CMYA5: variants seen among roughly 807,000 people sequenced by gnomAD.
CMYA5 encodes the protein cardiomyopathy-associated protein 5.
In CMYA5, 246 loss-of-function variants were observed where a neutral mutation model predicts 318.9. The observed-to-expected ratio is 0.77, with a 90% CI of 0.70 to 0.86. The LOEUF (loss-of-function observed/expected upper bound fraction) is 0.86. CMYA5 is among the 40% of genes least tolerant of loss of function. The pLI, the probability that CMYA5 is intolerant of heterozygous loss-of-function variation, is 0.00. For missense variants in CMYA5, 4,589 were observed against 4,678.2 expected (o/e 0.98, Z 0.56); for synonymous variants, 1,641 against 1,729.5 (o/e 0.95, Z 1.27).
At chr5:79,775,336 A>G (rs1479471336) in intron 9 of CMYA5, among the ~76,000 whole-genome samples, 2 of 152,212 alleles carry the variant, frequency 1.3e-5, no homozygotes, top group Non-Finnish European at 2.9e-5. Flanking sequence ...CTTCACTTCT[A>G]ACTTAGGCCT....
At chr5:79,751,578 C>A (rs1828430637) in intron 5 of CMYA5, among the ~76,000 whole-genome samples, 3 of 152,082 alleles carry the variant, frequency 2.0e-5, no homozygotes, top group Admixed American at 6.6e-5. Flanking sequence ...TCATACTGAC[C>A]ATAAATCCAC....
chr5:79,761,593 A>C (rs995469381), intron 7 of CMYA5, among the ~76,000 whole-genome samples: 2 of 152,232 alleles, frequency 1.3e-5, no homozygotes, highest in Non-Finnish European at 2.9e-5. Context: ...TTTTCTGAGA[A>C]GTGTTAACAA....
At chr5:79,771,068 G>GAAA (rs200789494) in intron 9 of CMYA5, among the ~76,000 whole-genome samples, 3 of 99,428 alleles carry the variant, frequency 3.0e-5, no homozygotes, top group Middle Eastern at 6.6e-3. Flanking sequence ...AGGGAGAGAG[G>GAAA]AAAAAAAAAA....
At chr5:79,743,537 G>C (rs1828260141) in intron 2 of CMYA5, among the ~76,000 whole-genome samples, 1 of 152,056 alleles carries the variant, frequency 6.6e-6, no homozygotes, top group Admixed American at 6.5e-5. Context: ...ATTAAAACAG[G>C]TATGTTTTGA....
chr5:79,718,819 A>G (rs941893225), intron 1 of CMYA5, among the ~76,000 whole-genome samples: 13 of 152,196 alleles, frequency 8.5e-5, no homozygotes, highest in Admixed American at 1.3e-4. Flanking sequence ...GTTTAGCTGT[A>G]CAAATACTCA....
intron 1 of CMYA5, 56 bp downstream of exon 1, chr5:79,690,112 T>A: frequency 7.2e-7 from 1 of 1,380,014 alleles, no homozygotes; most frequent in Non-Finnish European, 9.4e-7. Context: ...GCAGCACCCT[T>A]GCTTGTTTGC....
At chr5:79,704,311 C>A (rs1040456333) in intron 1 of CMYA5, among the ~76,000 whole-genome samples, 5 of 151,890 alleles carry the variant, frequency 3.3e-5, no homozygotes, top group Non-Finnish European at 7.4e-5. Context: ...AAGGGTATGA[C>A]CCCCACTGTG....
Position 79,729,271 on chromosome 5 carries a change from C to T in CMYA5, c.506C>T (p.Pro169Leu). ...QDVPTNKKGS[P>L]LTSASQVLTT... ...GTTCCAACAAACAAAAAAGGCAGTC[C>T]TTTAACTTCAGCAAGCCAGGTACTA... The change falls in exon 2 of 13, where the codon CCT becomes CTT. Residue 169 changes from proline to leucine, a missense_variant. By Grantham distance (98) the Pro-to-Leu change is moderately conservative. Coordinates refer to ENST00000446378, the MANE Select transcript of CMYA5 (RefSeq NM_153610.5). 2 of 1,611,076 alleles carry T rather than the reference C, an allele frequency of 1.2e-6. No homozygotes were observed. The highest frequency in any genetic ancestry group is 1.7e-6 in the Non-Finnish European group (2 of 1,179,150).
intron 12 of CMYA5, among the ~76,000 whole-genome samples, chr5:79,795,026 C>T (rs537088706): frequency 4.7e-4 from 72 of 152,288 alleles, no homozygotes; most frequent in Admixed American, 4.1e-3. Context: ...AATGTCTGTA[C>T]ACCCTCAAAT....
At position 79,731,068 on chromosome 5, in the gene CMYA5, C is replaced by A. The variant is rs1240388950; in HGVS notation, c.2303C>A (p.Pro768Gln). The change falls in exon 2 of 13, where the codon CCA (proline) becomes CAA (glutamine). Residue 768 changes from proline to glutamine, a missense_variant. By Grantham distance (76) the Pro-to-Gln change is moderately conservative. Around this residue, in one of 3 missense-constraint regions of CMYA5, gnomAD observed 2,132 missense variants for 2,131.3 expected, o/e 1.00. Transcript: ENST00000446378. ...TTEKTSECQS[P>Q]LPSTATSEHV... Reference sequence around the variant, plus strand: ...GAAAAGACTTCTGAATGCCAGTCACCACTGCCTTCTACTGCCACATCAGAA... The same window carrying A: ...GAAAAGACTTCTGAATGCCAGTCACAACTGCCTTCTACTGCCACATCAGAA... 1 of 1,614,032 alleles carries A rather than the reference C, an allele frequency of 6.2e-7. No homozygotes were observed. Among genetic ancestry groups the A allele is most frequent in the Admixed American group, 1.7e-5 (1 of 60,024 alleles).
rs150586495 is a variant in CMYA5 at position 79,799,630 on chromosome 5, G to A, written c.*14G>A. ...AGGCACAAGTGATCCTTGGCTTTCA[G>A]AATTTGCAAGAACAGCGATTTGAAT... On this transcript the variant is annotated 3_prime_UTR_variant, in exon 13 of 13. Coordinates refer to ENST00000446378, the MANE Select transcript of CMYA5 (RefSeq NM_153610.5). The A allele has an allele frequency of 6.9e-4, 1,102 of 1,597,548 alleles. 4 individuals carry two copies. The African/African-American group carries it at 0.013, about 19-fold the overall frequency.
rs1037606423 is a variant in CMYA5, at chr5:79,752,713, A to G, written c.11029A>G (p.Lys3677Glu). Residue 3677 changes from lysine (K) to glutamate (E), a missense_variant, in exon 6 of 13, where the codon AAA (lysine) becomes GAA (glutamate). This residue lies in a region of CMYA5 where 2,431 missense variants were observed against 2,495.1 expected (regional missense o/e 0.97). Transcript: ENST00000446378. Reference protein sequence around the residue: ...SAMESTASLEKMPAAFSLFEH... With the variant: ...SAMESTASLEEMPAAFSLFEH... Reference sequence around the variant, plus strand: ...AATGGAGAGCACTGCTTCTTTAGAGAAAATGCCTGCTGCGTTTTCCCTTTT... The same window carrying G: ...AATGGAGAGCACTGCTTCTTTAGAGGAAATGCCTGCTGCGTTTTCCCTTTT... 1.2e-6 allele frequency: 2 copies of G among 1,613,524 alleles called. No homozygotes were observed. Among genetic ancestry groups the G allele is most frequent in the Non-Finnish European group, 1.7e-6 (2 of 1,179,612 alleles).
In CMYA5 at chr5:79,729,185, T is replaced by TG. The variant is rs753783340; in HGVS notation, c.422dup (p.Ser142PhefsTer16). 1 of 1,613,060 alleles carries TG rather than the reference T, an allele frequency of 6.2e-7. No individual in the cohort carries two copies. Among genetic ancestry groups the TG allele is most frequent in the East Asian group, 2.2e-5 (1 of 44,870 alleles). On this transcript the variant is annotated frameshift_variant, in exon 2 of 13. Transcript: ENST00000446378. LOFTEE classifies it high-confidence loss of function. ...GGAAAAGGACTCATAAGTCAAAGCA[T>TG]GGTTCACCATCATTACGCCGGAAAG... is the stretch of plus-strand genomic sequence containing the variant.
At position 79,758,825 on chromosome 5, in the gene CMYA5, G is replaced by A; in HGVS notation, c.11183G>A (p.Ser3728Asn). 1 of 1,603,598 alleles carries A rather than the reference G, an allele frequency of 6.2e-7. No homozygotes were observed. The highest frequency in any genetic ancestry group is 1.3e-5 in the African/African-American group (1 of 74,608). Residue 3728 changes from serine (S) to asparagine (N), a missense_variant, in exon 7 of 13, where the codon AGC (serine) becomes AAC (asparagine). Ser to Asn is a conservative substitution (Grantham distance 46). Around this residue, in one of 3 missense-constraint regions of CMYA5, gnomAD observed 2,431 missense variants for 2,495.1 expected, o/e 0.97. Coordinates refer to ENST00000446378, the MANE Select transcript of CMYA5 (RefSeq NM_153610.5). ...ATSTTIAVYW[S>N]MNKEDVIDSF... is the part of the protein sequence containing the mutation. ...AGCACAACAATTGCAGTTTACTGGAGCATGAACAAGGAAGATGTCATTGAT... is the reference window on the plus strand; with the variant it reads ...AGCACAACAATTGCAGTTTACTGGAACATGAACAAGGAAGATGTCATTGAT...
chr5:79,713,922 C>T (rs1282586749), intron 1 of CMYA5, among the ~76,000 whole-genome samples: 1 of 151,296 alleles, frequency 6.6e-6, no homozygotes, highest in African/African-American at 2.4e-5. Context: ...GTTGTAAGGA[C>T]AGGCACATGT....
chr5:79,726,831 C>A (rs890313985), intron 1 of CMYA5, among the ~76,000 whole-genome samples: 12 of 150,666 alleles, frequency 8.0e-5, no homozygotes, highest in African/African-American at 3.0e-4. Flanking sequence ...CCCAACCTAA[C>A]AAACCAGGAA....
chr5:79,787,224 C>T (rs6884750), intron 9 of CMYA5, among the ~76,000 whole-genome samples: 2 of 151,942 alleles, frequency 1.3e-5, no homozygotes, highest in Non-Finnish European at 2.9e-5. Flanking sequence ...TTCCCACCCC[C>T]GCCTCCTCAA....
rs909840969 is a variant in CMYA5 at position 79,736,255 on chromosome 5, C to T, written c.7490C>T (p.Thr2497Ile). 6.2e-7 allele frequency: 1 copy of T among 1,613,304 alleles called. No homozygotes were observed. The change falls in exon 2 of 13, where the codon ACA (threonine) becomes ATA (isoleucine). Residue 2497 changes from threonine (T) to isoleucine (I), a missense_variant. Coordinates refer to ENST00000446378, the MANE Select transcript of CMYA5 (RefSeq NM_153610.5). ...DSNEIGKTQI[T>I]LGSRSTELKE... is the part of the protein sequence containing the mutation. The stretch of plus-strand genomic sequence containing the variant: ...AATGAAATAGGGAAGACACAAATTA[C>T]ACTTGGATCTAGATCTACTGAACTG...
At position 79,738,112 on chromosome 5, in the gene CMYA5, A is replaced by G. The variant is rs759165677; in HGVS notation, c.9347A>G (p.Tyr3116Cys). Residue 3116 changes from tyrosine to cysteine, a missense_variant, in exon 2 of 13, where the codon TAT becomes TGT. Tyr to Cys is a radical substitution (Grantham distance 194). Around this residue, in one of 3 missense-constraint regions of CMYA5, gnomAD observed 2,431 missense variants for 2,495.1 expected, o/e 0.97. Coordinates refer to ENST00000446378, the MANE Select transcript of CMYA5 (RefSeq NM_153610.5). ...YDLVKLDESF[Y>C]GPEKGHNILS... The stretch of plus-strand genomic sequence containing the variant: ...TTGGTGAAATTAGATGAAAGTTTTT[A>G]TGGACCAGAAAAGGGCCACAACATA... 4 of 1,613,600 alleles carry G rather than the reference A, an allele frequency of 2.5e-6. No homozygotes were observed. The South Asian group carries it at 3.3e-5, about 13-fold the overall frequency.
Sources: gnomAD v4.1 joint callset for allele counts (sites outside exome capture counted in the v4.1 genomes callset) on GRCh38, gnomAD v4.1.1 for gene constraint, gnomAD v4.1.1 regional missense constraint, MANE v1.5 for transcripts, NCBI Gene and HGNC (gene_info 2026-07-23, HGNC 2026-07-21) for gene names.